The following PRDM16 variants were observed in gnomAD, a reference collection of about 807,000 sequenced individuals.
PRDM16 encodes histone-lysine N-methyltransferase PRDM16.
In PRDM16, 23 loss-of-function variants were observed where a neutral mutation model predicts 110.6. That is an observed-to-expected ratio of 0.21 (90% CI 0.15 to 0.29). The LOEUF (loss-of-function observed/expected upper bound fraction) is 0.29. PRDM16 is among the 10% of genes least tolerant of loss of function. PRDM16 has a pLI of 1.00. For synonymous variants in PRDM16, 799 were observed against 781.8 expected (o/e 1.02, Z -0.37); for missense variants, 1,615 against 1,794.3 (o/e 0.90, Z 1.81).
intron 3 of PRDM16, among the ~76,000 whole-genome samples, chr1:3,378,213 A>T (rs544971751): frequency 5.7e-4 from 87 of 152,232 alleles, no homozygotes; most frequent in African/African-American, 2.0e-3. Context: ...TGTTTCTTCC[A>T]CCGATCCCTG....
rs187012900 is a variant in PRDM16, at chr1:3,093,229, G to A, written c.37+23933G>A. Reference sequence around the variant, plus strand: ...GAGAGCCCAGGCTACCCCTATTTCAGAGGTAAAGCCCAGGCTAGCCCGATG... The same window carrying A: ...GAGAGCCCAGGCTACCCCTATTTCAAAGGTAAAGCCCAGGCTAGCCCGATG... On this transcript the variant is annotated intron_variant, in intron 1 of 16. Coordinates refer to ENST00000270722, the MANE Select transcript of PRDM16 (RefSeq NM_022114.4). Among the ~76,000 whole-genome samples the A allele has an allele frequency of 2.6e-5, 4 of 152,288 alleles. No individual in the cohort carries two copies. In the East Asian group the frequency reaches 7.7e-4, roughly 29 times the overall value.
At chr1:3,128,602 C>A (rs185314656) in intron 1 of PRDM16, among the ~76,000 whole-genome samples, 67 of 152,314 alleles carry the variant, frequency 4.4e-4, no homozygotes, top group Non-Finnish European at 6.6e-4. Context: ...AGAGGGTGAT[C>A]GGCCACGGTG....
At chr1:3,118,000 G>T (rs1310169168) in intron 1 of PRDM16, among the ~76,000 whole-genome samples, 1 of 151,860 alleles carries the variant, frequency 6.6e-6, no homozygotes, top group East Asian at 1.9e-4. Flanking sequence ...GCACGCGTGT[G>T]TGCGTGTGCG....
chr1:3,202,937 C>T (rs970326735), intron 2 of PRDM16, among the ~76,000 whole-genome samples: 3 of 152,126 alleles, frequency 2.0e-5, no homozygotes, highest in Non-Finnish European at 2.9e-5. Flanking sequence ...AAGAACGTGG[C>T]GGTTGGTGTG....
At chr1:3,159,354 A>G (rs535774344) in intron 1 of PRDM16, among the ~76,000 whole-genome samples, 78 of 152,344 alleles carry the variant, frequency 5.1e-4, no homozygotes, top group African/African-American at 1.9e-3. Flanking sequence ...TACCTCCACC[A>G]TCTGGAGGTG....
At chr1:3,070,731 C>G (rs1380253730) in intron 1 of PRDM16, among the ~76,000 whole-genome samples, 1 of 152,138 alleles carries the variant, frequency 6.6e-6, no homozygotes, top group African/African-American at 2.4e-5. Flanking sequence ...GCTCCCTCGG[C>G]TCGGGGCCCG....
At position 3,157,950 on chromosome 1, in the gene PRDM16, T is replaced by C. The variant is rs1643871043; in HGVS notation, c.38-28175T>C. Reference sequence around the variant, plus strand: ...ATATATTACGAAAATTACAAAATAATTACAAATGATAAAAACAATGACTGC... The same window carrying C: ...ATATATTACGAAAATTACAAAATAACTACAAATGATAAAAACAATGACTGC... On this transcript the variant is annotated intron_variant, in intron 1 of 16. Transcript: ENST00000270722. The surrounding 1 kb of genome is among the most constrained non-coding windows in gnomAD (Gnocchi z 4.8). Among the ~76,000 whole-genome samples, 1 of 152,142 alleles carries C rather than the reference T, an allele frequency of 6.6e-6. No homozygotes were observed. The highest frequency in any genetic ancestry group is 2.4e-5 in the African/African-American group (1 of 41,454).
intron 2 of PRDM16, among the ~76,000 whole-genome samples, chr1:3,204,866 G>A (rs576919202): frequency 2.0e-5 from 3 of 152,316 alleles, no homozygotes; most frequent in South Asian, 4.1e-4. Flanking sequence ...GGAGCCCAGC[G>A]GTTGGCTAAT....
chr1:3,092,036 A>G (rs1397484741), intron 1 of PRDM16, among the ~76,000 whole-genome samples: 1 of 152,196 alleles, frequency 6.6e-6, no homozygotes, highest in African/African-American at 2.4e-5. Flanking sequence ...CATGTAGAGG[A>G]TAAGATGGAG....
At chr1:3,108,902 C>CT (rs909542497) in intron 1 of PRDM16, among the ~76,000 whole-genome samples, 3 of 117,270 alleles carry the variant, frequency 2.6e-5, no homozygotes, top group Admixed American at 8.7e-5. Context: ...CCTGTCTCTA[C>CT]TAAAAAAAAA....
chr1:3,205,801 G>T (rs950851023), intron 2 of PRDM16, among the ~76,000 whole-genome samples: 2 of 152,174 alleles, frequency 1.3e-5, no homozygotes, highest in African/African-American at 4.8e-5. Flanking sequence ...AATTGCCCCA[G>T]GGGCAGCTGA....
intron 14 of PRDM16, among the ~76,000 whole-genome samples, chr1:3,427,651 A>G (rs2483239): frequency 0.13 from 20,088 of 152,158 alleles, 2,288 homozygotes; most frequent in East Asian, 0.5. Context: ...TGGCAAAGCC[A>G]CGTTCCAAAT....
At chr1:3,386,485 G>A (rs1643201470) in intron 4 of PRDM16, among the ~76,000 whole-genome samples, 1 of 152,222 alleles carries the variant, frequency 6.6e-6, no homozygotes, top group Non-Finnish European at 1.5e-5. Flanking sequence ...TCGAGCAGTT[G>A]CTCCGCTGGA....
At chr1:3,248,207 C>T (rs1396251893) in intron 3 of PRDM16, among the ~76,000 whole-genome samples, 3 of 152,204 alleles carry the variant, frequency 2.0e-5, no homozygotes, top group Admixed American at 2.0e-4. Flanking sequence ...TATCCGTTAA[C>T]AAGAGTGTAG....
intron 1 of PRDM16, among the ~76,000 whole-genome samples, chr1:3,163,521 C>T (rs1421835072): frequency 6.6e-6 from 1 of 152,210 alleles, no homozygotes; most frequent in African/African-American, 2.4e-5. Context: ...ACCCACGCGG[C>T]GTTAGCTTCC....
In PRDM16 at chr1:3,358,221, T is replaced by C. The variant is rs1416561559; in HGVS notation, c.439-26931T>C. 6.6e-6 allele frequency among the ~76,000 whole-genome samples: 1 copy of C among 152,226 alleles called. No homozygotes were observed. The highest frequency in any genetic ancestry group is 1.5e-5 in the Non-Finnish European group (1 of 68,036). Reference sequence around the variant, plus strand: ...TTGGAGGGAAGTTTGTCTTCCTCCCTGTACACAGATAAAGTCACCATGAGA... The same window carrying C: ...TTGGAGGGAAGTTTGTCTTCCTCCCCGTACACAGATAAAGTCACCATGAGA... On this transcript the variant is annotated intron_variant, in intron 3 of 16. Coordinates refer to ENST00000270722, the MANE Select transcript of PRDM16 (RefSeq NM_022114.4). This position sits in a 1 kb window ranked among gnomAD's most constrained non-coding sequence, Gnocchi z 4.0.
At chr1:3,141,033 G>A (rs1225604534) in intron 1 of PRDM16, among the ~76,000 whole-genome samples, 1 of 152,158 alleles carries the variant, frequency 6.6e-6, no homozygotes, top group Non-Finnish European at 1.5e-5. Flanking sequence ...ATCACCAATG[G>A]CAAGAGGGCA....
At chr1:3,166,860 C>T (rs1643962975) in intron 1 of PRDM16, among the ~76,000 whole-genome samples, 1 of 152,200 alleles carries the variant, frequency 6.6e-6, no homozygotes, top group Non-Finnish European at 1.5e-5. Flanking sequence ...GGCCGTGCAC[C>T]CTGGTTCAAT....
chr1:3,083,018 G>A (rs1479452321), intron 1 of PRDM16, among the ~76,000 whole-genome samples: 2 of 152,196 alleles, frequency 1.3e-5, no homozygotes, highest in African/African-American at 2.4e-5. Context: ...CAGTGCACCC[G>A]GAACGCTCGC....
Sources: gnomAD v4.1 joint callset for allele counts (sites outside exome capture counted in the v4.1 genomes callset) on GRCh38, gnomAD v4.1.1 for gene constraint, Gnocchi (gnomAD v3.1) non-coding constraint, MANE v1.5 for transcripts, NCBI Gene and HGNC (gene_info 2026-07-23, HGNC 2026-07-21) for gene names.